GABRB2: variants seen among roughly 807,000 people sequenced by gnomAD.
The protein encoded by GABRB2 is gamma-aminobutyric acid type A receptor subunit beta2.
Under a neutral mutation model 54.7 loss-of-function variants are expected in GABRB2, and 16 were observed. The observed-to-expected ratio is 0.29, with a 90% CI of 0.20 to 0.44. The LOEUF is 0.44. GABRB2 is among the 20% of genes least tolerant of loss of function. GABRB2 has a pLI of 1.00. For synonymous variants in GABRB2, 244 were observed against 233.8 expected (o/e 1.04, Z -0.40); for missense variants, 355 against 644.0 (o/e 0.55, Z 4.86).
rs1328047585 is a variant in GABRB2, at chr5:161,535,620, C to A, written c.237+9607G>T. On this transcript the variant is annotated intron_variant, in intron 3 of 9. Transcript: ENST00000393959. The stretch of plus-strand genomic sequence containing the variant: ...ACCTTGAACAAATCATTTAACCTCT[C>A]TGGGCCTCAGTTTCCCCTTTTTAAA... Among the ~76,000 whole-genome samples, 3 of 152,194 alleles carry A rather than the reference C, an allele frequency of 2.0e-5. No homozygotes were observed. The East Asian group carries it at 5.8e-4, about 29-fold the overall frequency.
At chr5:161,366,934 A>G (rs1199703054) in intron 5 of GABRB2, among the ~76,000 whole-genome samples, 1 of 152,138 alleles carries the variant, frequency 6.6e-6, no homozygotes, top group Non-Finnish European at 1.5e-5. Flanking sequence ...GGCAACAGAG[A>G]AAGACTCCAT....
chr5:161,328,861 C>G (rs1753739921), intron 8 of GABRB2, among the ~76,000 whole-genome samples: 1 of 151,926 alleles, frequency 6.6e-6, no homozygotes, highest in African/African-American at 2.4e-5. Flanking sequence ...TGCCTAATGT[C>G]CTCTGGGAGA....
Position 161,334,870 on chromosome 5 carries a change from A to C in GABRB2, c.714T>G (p.Leu238=). ...SYPRLSLSFK[L]KRNIGYFILQ... ...GGATAAAGTAGCCAATGTTTCTCTT[A>C]AGCTTAAAGCTGAGGGATAACCTGG... The change falls in exon 7 of 10, where the codon CTT becomes CTG. Residue 238 remains leucine, a synonymous_variant. Transcript: ENST00000393959. The C allele has an allele frequency of 6.2e-7, 1 of 1,614,076 alleles. No individual in the cohort carries two copies. Among genetic ancestry groups the C allele is most frequent in the Non-Finnish European group, 8.5e-7 (1 of 1,179,910 alleles).
chr5:161,430,477 G>A (rs1247293078), intron 4 of GABRB2, among the ~76,000 whole-genome samples: 1 of 152,118 alleles, frequency 6.6e-6, no homozygotes, highest in Non-Finnish European at 1.5e-5. Flanking sequence ...CAGTCACTTA[G>A]ACTTGGGGAC....
At chr5:161,312,943 C>A (rs1757916318) in intron 9 of GABRB2, among the ~76,000 whole-genome samples, 1 of 152,178 alleles carries the variant, frequency 6.6e-6, no homozygotes, top group South Asian at 2.1e-4. Context: ...TTCTGAAAGA[C>A]ATCATTAGCA....
intron 5 of GABRB2, among the ~76,000 whole-genome samples, chr5:161,350,104 C>G (rs1308081133): frequency 6.6e-6 from 1 of 152,024 alleles, no homozygotes; most frequent in East Asian, 1.9e-4. Flanking sequence ...AGCTAACATT[C>G]TACTTAATGG....
intron 4 of GABRB2, among the ~76,000 whole-genome samples, chr5:161,430,275 T>C (rs1483120620): frequency 1.3e-5 from 2 of 152,238 alleles, no homozygotes; most frequent in East Asian, 3.8e-4. Flanking sequence ...AGCCAGGATA[T>C]CTATGAGGTT....
chr5:161,528,728 C>A (rs528719047), intron 3 of GABRB2, among the ~76,000 whole-genome samples: 1 of 151,768 alleles, frequency 6.6e-6, no homozygotes, highest in African/African-American at 2.4e-5. Flanking sequence ...TAGTATTATA[C>A]ATATGGTACA....
chr5:161,497,044 A>C (rs1347465883), intron 3 of GABRB2, among the ~76,000 whole-genome samples: 2 of 152,104 alleles, frequency 1.3e-5, no homozygotes, highest in African/African-American at 2.4e-5. Context: ...TTAAGGGGAG[A>C]CATCCCTCAT....
chr5:161,475,611 T>G (rs1758568766), intron 3 of GABRB2, among the ~76,000 whole-genome samples: 1 of 151,724 alleles, frequency 6.6e-6, no homozygotes, highest in Non-Finnish European at 1.5e-5. Context: ...GGAATACACA[T>G]CATAACAAGT....
intron 6 of GABRB2, 48 bp from the exon 7 acceptor site, chr5:161,334,952 G>T: frequency 6.3e-7 from 1 of 1,582,258 alleles, no homozygotes; most frequent in Non-Finnish European, 8.7e-7. Context: ...AATATTTATA[G>T]GATACTTTTC....
chr5:161,448,304 T>C (rs192865647), intron 4 of GABRB2, among the ~76,000 whole-genome samples: 1 of 152,072 alleles, frequency 6.6e-6, no homozygotes, highest in Non-Finnish European at 1.5e-5. Context: ...GCACCTGTAG[T>C]CCCAGCTACT....
chr5:161,468,520 TC>T (rs1387889815), intron 3 of GABRB2, among the ~76,000 whole-genome samples: 1 of 152,076 alleles, frequency 6.6e-6, no homozygotes, highest in Non-Finnish European at 1.5e-5. Flanking sequence ...GGTGGGGTTT[TC>T]CCTTCCTCTC....
In GABRB2 at chr5:161,294,120, G is replaced by A; in HGVS notation, c.1500C>T (p.Ser500=). The stretch of plus-strand genomic sequence containing the variant: ...AAAGCCAATAGACGATGTTGAAGAA[G>A]GAAAAAACCACTGGGAAGAATATGC... ...WSRIFFPVVF[S]FFNIVYWLYY... The change falls in exon 10 of 10, where the codon TCC becomes TCT. Residue 500 remains serine, a synonymous_variant. Transcript: ENST00000393959. The A allele has an allele frequency of 5.0e-6, 8 of 1,613,756 alleles. No individual in the cohort carries two copies. The highest frequency in any genetic ancestry group is 6.8e-6 in the Non-Finnish European group (8 of 1,179,692).
chr5:161,442,314 AAG>A (rs1247655456), intron 4 of GABRB2, among the ~76,000 whole-genome samples: 1 of 152,224 alleles, frequency 6.6e-6, no homozygotes, highest in African/African-American at 2.4e-5. Context: ...GAAAAAAATA[AAG>A]AAACATGTAA....
intron 5 of GABRB2, among the ~76,000 whole-genome samples, chr5:161,380,819 G>C (rs1039825560): frequency 6.6e-6 from 1 of 151,894 alleles, no homozygotes; most frequent in Non-Finnish European, 1.5e-5. Flanking sequence ...TTGTGTATTG[G>C]TACACCACAA....
intron 3 of GABRB2, among the ~76,000 whole-genome samples, chr5:161,518,731 A>C (rs188563358): frequency 6.6e-6 from 1 of 152,334 alleles, no homozygotes; most frequent in East Asian, 1.9e-4. Flanking sequence ...GTAACAGAAA[A>C]GAGATGCTGA....
At chr5:161,315,680 G>A (rs775769889) in intron 9 of GABRB2, among the ~76,000 whole-genome samples, 1 of 152,024 alleles carries the variant, frequency 6.6e-6, no homozygotes, top group Non-Finnish European at 1.5e-5. Flanking sequence ...TAGATACATA[G>A]TAATTATACA....
At chr5:161,408,910 A>G (rs1756425789) in intron 5 of GABRB2, among the ~76,000 whole-genome samples, 1 of 152,102 alleles carries the variant, frequency 6.6e-6, no homozygotes. Context: ...TTGGAGAACC[A>G]GTAGTTTAAG....
Sources: allele counts gnomAD v4.1 joint callset (sites outside exome capture counted in the v4.1 genomes callset), GRCh38; gene constraint gnomAD v4.1.1; transcripts MANE v1.5; gene names NCBI Gene and HGNC (gene_info 2026-07-23, HGNC 2026-07-21).